The following XKR9 variants were observed in gnomAD, a reference collection of about 807,000 sequenced individuals.
XKR9 encodes the protein XK related 9.
In XKR9, 32 loss-of-function variants were observed where a neutral mutation model predicts 32.0. The observed-to-expected ratio is 1.00, with a 90% CI of 0.76 to 1.34. The LOEUF is 1.34. Among genes scored for constraint, XKR9 ranks in the 40% most tolerant of loss-of-function variants. The pLI, the probability that XKR9 is intolerant of heterozygous loss-of-function variation, is 0.00. For synonymous variants in XKR9, 168 were observed against 143.4 expected (o/e 1.17, Z -1.22); for missense variants, 546 against 429.7 (o/e 1.27, Z -2.39).
At chr8:70,794,823 T>TTGTGTGTGTGTGTGTGTGTGTG (rs56167343), downstream of XKR9, among the ~76,000 whole-genome samples, 68 of 147,690 alleles carry the variant, frequency 4.6e-4, no homozygotes, top group African/African-American at 7.0e-4. Context: ...TAGTCTTCTT[T>TTGTGTGTGTGTGTGTGTGTGTG]TGTGTGTGTG....
chr8:70,877,953 G>T, the XKR9 span, among the ~76,000 whole-genome samples: 3 of 152,212 alleles, frequency 2.0e-5, no homozygotes, highest in African/African-American at 7.2e-5. Flanking sequence ...CAGACTAACA[G>T]TGGATCTCTC....
the XKR9 span, among the ~76,000 whole-genome samples, chr8:70,981,789 A>G: frequency 2.6e-5 from 4 of 152,170 alleles, no homozygotes; most frequent in South Asian, 6.2e-4. Context: ...GGGAAGATCT[A>G]GAATTCAAGG....
the XKR9 span, among the ~76,000 whole-genome samples, chr8:71,023,891 A>G: frequency 5.8e-3 from 890 of 152,280 alleles, 7 homozygotes; most frequent in South Asian, 0.035. Context: ...TGGACAGGGC[A>G]GAGCAATCCC....
chr8:70,692,640 G>A (rs1394674594), intron 3 of XKR9, among the ~76,000 whole-genome samples: 1 of 151,996 alleles, frequency 6.6e-6, no homozygotes, highest in Non-Finnish European at 1.5e-5. Context: ...GTGCAATGGT[G>A]CGATCTTGGC....
At chr8:70,968,764 A>G in the XKR9 span, among the ~76,000 whole-genome samples, 1 of 152,132 alleles carries the variant, frequency 6.6e-6, no homozygotes, top group African/African-American at 2.4e-5. Flanking sequence ...CCGTACCTGG[A>G]GGTATCAGCA....
chr8:70,743,221 G>A (rs1041781672), intron 2 of XKR9, among the ~76,000 whole-genome samples: 1 of 151,828 alleles, frequency 6.6e-6, no homozygotes, highest in Non-Finnish European at 1.5e-5. Flanking sequence ...GCATTTTTAT[G>A]TTCTTGAAAT....
At chr8:70,865,027 T>C in the XKR9 span, among the ~76,000 whole-genome samples, 1 of 152,194 alleles carries the variant, frequency 6.6e-6, no homozygotes, top group Non-Finnish European at 1.5e-5. Context: ...CATCCTGACA[T>C]CTCTTTCTCT....
chr8:70,995,361 G>T, the XKR9 span, among the ~76,000 whole-genome samples: 1 of 152,154 alleles, frequency 6.6e-6, no homozygotes, highest in Non-Finnish European at 1.5e-5. Context: ...GTTATCAACA[G>T]TATAGTTCCC....
the XKR9 span, among the ~76,000 whole-genome samples, chr8:70,943,046 A>G: frequency 6.9e-6 from 1 of 144,638 alleles, no homozygotes; most frequent in Non-Finnish European, 1.6e-5. Context: ...AAAATTTATG[A>G]AAATTGTATT....
downstream of XKR9, among the ~76,000 whole-genome samples, chr8:70,792,090 C>T (rs550464329): frequency 2.6e-5 from 4 of 152,058 alleles, no homozygotes; most frequent in Admixed American, 2.6e-4. Context: ...GTTCTTTCTT[C>T]CAAGTGTTTT....
chr8:70,702,902 A>G (rs1805588510), intron 3 of XKR9, among the ~76,000 whole-genome samples: 1 of 152,152 alleles, frequency 6.6e-6, no homozygotes, highest in Non-Finnish European at 1.5e-5. Context: ...ATTTAGTGTA[A>G]TTATTGATAT....
chr8:70,765,888 G>A (rs1807368796), intron 2 of XKR9, among the ~76,000 whole-genome samples: 1 of 152,102 alleles, frequency 6.6e-6, no homozygotes, highest in African/African-American at 2.4e-5. Context: ...GCTTGTTTTT[G>A]TCAGGTTTGT....
chr8:70,721,121 G>C (rs879896231), intron 4 of XKR9, among the ~76,000 whole-genome samples: 4 of 152,262 alleles, frequency 2.6e-5, no homozygotes, highest in Non-Finnish European at 5.9e-5. Flanking sequence ...AGGGAAGTTT[G>C]TAGTTTTGTG....
chr8:70,858,038 C>T, the XKR9 span, among the ~76,000 whole-genome samples: 1,838 of 152,268 alleles, frequency 0.012, 15 homozygotes, highest in Non-Finnish European at 0.019. Context: ...AGGAAGCATT[C>T]CCTTTGAAAA....
intron 4 of XKR9, among the ~76,000 whole-genome samples, chr8:70,729,563 C>G (rs1355872416): frequency 6.6e-6 from 1 of 151,974 alleles, no homozygotes; most frequent in Non-Finnish European, 1.5e-5. Flanking sequence ...AGTTTTGTAG[C>G]TGATTAGGAA....
chr8:71,037,964 A>G, the XKR9 span, among the ~76,000 whole-genome samples: 2 of 152,214 alleles, frequency 1.3e-5, no homozygotes, highest in Non-Finnish European at 2.9e-5. Flanking sequence ...AAATGTTGGC[A>G]AAAGTTAGGT....
chr8:70,852,094 A>G, the XKR9 span, among the ~76,000 whole-genome samples: 15 of 152,340 alleles, frequency 9.8e-5, no homozygotes, highest in East Asian at 2.9e-3. Flanking sequence ...CAAGAAAAAA[A>G]CAAACAATCC....
At chr8:70,808,978 A>G in the XKR9 span, among the ~76,000 whole-genome samples, 12 of 152,238 alleles carry the variant, frequency 7.9e-5, no homozygotes, top group South Asian at 2.1e-4. Context: ...TTGGGATCTG[A>G]GAACGCACAG....
At chr8:70,814,805 T>A in the XKR9 span, among the ~76,000 whole-genome samples, 4 of 152,176 alleles carry the variant, frequency 2.6e-5, no homozygotes, top group East Asian at 5.8e-4. Context: ...ATAAGTAAAA[T>A]TATTCCTCTT....
Sources: allele counts gnomAD v4.1 joint callset (sites outside exome capture counted in the v4.1 genomes callset), GRCh38; gene constraint gnomAD v4.1.1; transcripts MANE v1.5; gene names NCBI Gene and HGNC (gene_info 2026-07-23, HGNC 2026-07-21).